Variants in PTPRM observed in about 807,000 individuals in gnomAD.
PTPRM encodes the protein receptor-type tyrosine-protein phosphatase mu.
A neutral mutation model predicts 186.7 loss-of-function variants in PTPRM; 47 were observed. The ratio of observed to expected loss-of-function variants is 0.25; its 90% CI spans 0.20 to 0.32. PTPRM has a LOEUF of 0.32. Among genes scored for constraint, PTPRM ranks in the 10% least tolerant of loss-of-function variants. The probability of loss-of-function intolerance (pLI) is 1.00; values close to 1 mark genes in which losing one functional copy is unlikely to be tolerated. For missense variants in PTPRM, 1,494 were observed against 1,865.0 expected, an observed-to-expected ratio of 0.80 and a Z score of 3.66; for synonymous variants, 668 against 674.9, an observed-to-expected ratio of 0.99 and a Z score of 0.16.
chr18:8,141,834 T>G lies in PTPRM; in HGVS notation c.2168-1813T>G, dbSNP rs192948741. Reference sequence around the variant, plus strand: ...TTGATTTTATTTTAAAAATTTGTTTTAATTGGACACAAAATCAAAATGGAA... The same window carrying G: ...TTGATTTTATTTTAAAAATTTGTTTGAATTGGACACAAAATCAAAATGGAA... On this transcript the variant is annotated intron_variant, in intron 13 of 32. Transcript: ENST00000580170. Among the ~76,000 whole-genome samples, 48 of 152,370 alleles carry G rather than the reference T, an allele frequency of 3.2e-4. 1 individual carries two copies. Among genetic ancestry groups the G allele is most frequent in the Admixed American group, 2.8e-3 (43 of 15,308 alleles).
Position 8,355,550 on chromosome 18 carries a change from G to A in PTPRM, c.3054+12030G>A, listed in dbSNP as rs150794155. ...AATGACAGAGAGCCCCAAAGGATTT[G>A]GGTGTGGAAGTGACAAGGGGAAAGG... On this transcript the variant is annotated intron_variant, in intron 23 of 32. Transcript: ENST00000580170. Among the ~76,000 whole-genome samples the A allele has an allele frequency of 1.8e-3, 268 of 152,146 alleles. 2 individuals carry two copies. The highest frequency in any genetic ancestry group is 3.4e-3 in the Middle Eastern group (1 of 294).
chr18:7,916,775 T>C (rs1484503056), intron 4 of PTPRM, among the ~76,000 whole-genome samples: 1 of 152,200 alleles, frequency 6.6e-6, no homozygotes, highest in Non-Finnish European at 1.5e-5. Context: ...ACATTTATCA[T>C]TTTTTTGTGC....
chr18:7,677,784 T>G (rs892284507), intron 1 of PTPRM, among the ~76,000 whole-genome samples: 8 of 152,136 alleles, frequency 5.3e-5, no homozygotes, highest in Non-Finnish European at 1.2e-4. Flanking sequence ...AAATGCTGCC[T>G]TATCAGAGAA....
At chr18:7,577,496 G>A (rs549487036) in intron 1 of PTPRM, among the ~76,000 whole-genome samples, 1 of 152,114 alleles carries the variant, frequency 6.6e-6, no homozygotes. Context: ...TTTTATTTCT[G>A]ATATAGAATG....
At chr18:8,367,809 C>T (rs1399828334) in intron 23 of PTPRM, among the ~76,000 whole-genome samples, 2 of 152,234 alleles carry the variant, frequency 1.3e-5, no homozygotes, top group African/African-American at 4.8e-5. Context: ...TGAAGCACTC[C>T]ACTGTCATAT....
At chr18:8,244,517 T>A (rs2094460043) in intron 15 of PTPRM, among the ~76,000 whole-genome samples, 1 of 152,196 alleles carries the variant, frequency 6.6e-6, no homozygotes, top group Non-Finnish European at 1.5e-5. Context: ...TCCTTCTTGT[T>A]GTTTAGATCC....
chr18:7,627,418 C>G (rs2038087243), intron 1 of PTPRM, among the ~76,000 whole-genome samples: 1 of 152,168 alleles, frequency 6.6e-6, no homozygotes, highest in Non-Finnish European at 1.5e-5. Flanking sequence ...TTGGCCTCCT[C>G]AGCCCTTGTA....
intron 1 of PTPRM, among the ~76,000 whole-genome samples, chr18:7,613,935 A>G (rs572028762): frequency 6.6e-6 from 1 of 152,326 alleles, no homozygotes; most frequent in East Asian, 1.9e-4. Flanking sequence ...ATAAGGCTTA[A>G]CATTTATAGT....
intron 3 of PTPRM, among the ~76,000 whole-genome samples, chr18:7,896,014 C>T (rs1203321647): frequency 6.6e-6 from 1 of 152,192 alleles, no homozygotes; most frequent in Non-Finnish European, 1.5e-5. Context: ...TGGAATACAG[C>T]TAATCGCAGG....
chr18:8,179,025 A>G (rs1391872668), intron 14 of PTPRM, among the ~76,000 whole-genome samples: 1 of 152,134 alleles, frequency 6.6e-6, no homozygotes, highest in Non-Finnish European at 1.5e-5. Flanking sequence ...CTGTACAGGG[A>G]CTGCATACAG....
At chr18:8,081,640 A>G (rs1158386992) in intron 9 of PTPRM, among the ~76,000 whole-genome samples, 1 of 152,172 alleles carries the variant, frequency 6.6e-6, no homozygotes, top group African/African-American at 2.4e-5. Flanking sequence ...AATGTCTACC[A>G]TCAGCTCTGT....
intron 7 of PTPRM, among the ~76,000 whole-genome samples, chr18:8,040,258 T>G (rs2086608691): frequency 1.3e-5 from 2 of 152,174 alleles, no homozygotes; most frequent in South Asian, 4.1e-4. Context: ...ATGAAGCCTG[T>G]TGTTCTCACT....
At chr18:7,608,732 C>T (rs1011250359) in intron 1 of PTPRM, among the ~76,000 whole-genome samples, 15 of 152,268 alleles carry the variant, frequency 9.9e-5, no homozygotes, top group Middle Eastern at 3.4e-3. Context: ...TGGAGATGAC[C>T]GGTGACAACC....
intron 2 of PTPRM, among the ~76,000 whole-genome samples, chr18:7,790,041 C>T (rs924004387): frequency 1.3e-5 from 2 of 152,180 alleles, no homozygotes; most frequent in Admixed American, 6.5e-5. Context: ...CAGATGGAGA[C>T]GTGGAATTCT....
At chr18:7,706,825 G>C (rs2040104441) in intron 1 of PTPRM, among the ~76,000 whole-genome samples, 1 of 151,998 alleles carries the variant, frequency 6.6e-6, no homozygotes. Context: ...AGAATTTTGA[G>C]AGTATTAGCA....
At position 8,069,670 on chromosome 18, in the gene PTPRM, CT is replaced by C. The variant is rs1278826362; in HGVS notation, c.1133-14del. The C allele has an allele frequency of 6.3e-7, 1 of 1,588,908 alleles. No homozygotes were observed. The highest frequency in any genetic ancestry group is 2.2e-5 in the East Asian group (1 of 44,634). On this transcript the variant is annotated splice_polypyrimidine_tract_variant and intron_variant, in intron 7 of 32. Transcript: ENST00000580170. The stretch of plus-strand genomic sequence containing the variant: ...TCTTCTCTCTCATGTTTTCTTTTGT[CT>C]TCTTTTCTAAATAGATCCCATGCGA...
rs191376328 is a variant in PTPRM at position 8,296,319 on chromosome 18, C to G, written c.2755-49C>G. 341 of 1,214,950 alleles carry G rather than the reference C, an allele frequency of 2.8e-4. No homozygotes were observed. In the African/African-American group the frequency reaches 4.0e-3, roughly 14 times the overall value. 75.3% of individuals were successfully genotyped at this position (1,214,950 alleles called of 1,614,324 possible). ...AGAACATCCTCCATCGTTAAGATCC[C>G]TCTGTTTACTGCGCCAAATTGTAAT... On this transcript the variant is annotated intron_variant, in intron 19 of 32. Transcript: ENST00000580170.
At chr18:7,690,328 GT>G (rs2039706193) in intron 1 of PTPRM, among the ~76,000 whole-genome samples, 2 of 152,214 alleles carry the variant, frequency 1.3e-5, no homozygotes, top group Non-Finnish European at 2.9e-5. Flanking sequence ...AAGAAATTGT[GT>G]TTTAAACTGT....
At chr18:8,252,776 A>G (rs968829908) in intron 18 of PTPRM, among the ~76,000 whole-genome samples, 5 of 152,118 alleles carry the variant, frequency 3.3e-5, no homozygotes, top group Non-Finnish European at 7.4e-5. Flanking sequence ...CCCCATTTCC[A>G]TTGCTAGCTT....
Sources: allele counts gnomAD v4.1 joint callset (sites outside exome capture counted in the v4.1 genomes callset), GRCh38; gene constraint gnomAD v4.1.1; transcripts MANE v1.5; gene names NCBI Gene and HGNC (gene_info 2026-07-23, HGNC 2026-07-21).